The following BRIP1 variants were observed in gnomAD, a reference collection of about 807,000 sequenced individuals.
BRIP1 encodes the protein Fanconi anemia group J protein.
A neutral mutation model predicts 119.7 loss-of-function variants in BRIP1; 88 were observed. The observed-to-expected ratio is 0.74, with a 90% CI of 0.62 to 0.88. The LOEUF (loss-of-function observed/expected upper bound fraction) is 0.88. BRIP1 is among the 40% of genes least tolerant of loss of function. The pLI, the probability that BRIP1 is intolerant of heterozygous loss-of-function variation, is 0.00. For missense variants in BRIP1, 1,259 were observed against 1,455.4 expected, an observed-to-expected ratio of 0.87 and a Z score of 2.20; for synonymous variants, 443 against 496.5, an observed-to-expected ratio of 0.89 and a Z score of 1.43.
chr17:61,830,377 A>G (rs1321169670), intron 6 of BRIP1, among the ~76,000 whole-genome samples: 2 of 151,984 alleles, frequency 1.3e-5, no homozygotes, highest in Non-Finnish European at 2.9e-5. Context: ...TAAAAGATCA[A>G]TAAAATGGAT....
At chr17:61,786,130 G>C (rs2077702126) in intron 10 of BRIP1, among the ~76,000 whole-genome samples, 1 of 152,006 alleles carries the variant, frequency 6.6e-6, no homozygotes, top group Non-Finnish European at 1.5e-5. Flanking sequence ...AATAGAGAGT[G>C]AAGAGAGAGA....
intron 14 of BRIP1, among the ~76,000 whole-genome samples, chr17:61,763,417 T>A (rs1342256757): frequency 1.3e-5 from 2 of 152,260 alleles, no homozygotes; most frequent in South Asian, 4.1e-4. Flanking sequence ...ATGTGACCTA[T>A]GGTATTCTCT....
chr17:61,768,761 AT>A lies in BRIP1; in HGVS notation c.2097+7639del, dbSNP rs2077406424. The stretch of plus-strand genomic sequence containing the variant: ...ATAAAAATAAGACTTTACTTCCATG[AT>A]TAGATTATATTATGTAGTAAAGATG... On this transcript the variant is annotated intron_variant, in intron 14 of 19. Coordinates refer to ENST00000259008, the MANE Select transcript of BRIP1 (RefSeq NM_032043.3). The surrounding 1 kb of genome is among the most constrained non-coding windows in gnomAD (Gnocchi z 5.0). Among the ~76,000 whole-genome samples, 1 of 152,090 alleles carries A rather than the reference AT, an allele frequency of 6.6e-6. No homozygotes were observed. Among genetic ancestry groups the A allele is most frequent in the African/African-American group, 2.4e-5 (1 of 41,400 alleles).
intron 16 of BRIP1, among the ~76,000 whole-genome samples, chr17:61,741,250 T>C (rs560650380): frequency 4.6e-5 from 7 of 152,316 alleles, no homozygotes; most frequent in African/African-American, 1.7e-4. Context: ...CACTTCTAAT[T>C]TAGTTCTCTT....
chr17:61,730,290 G>A lies in BRIP1; in HGVS notation c.2379+12723C>T, dbSNP rs2076827654. Among the ~76,000 whole-genome samples, 1 of 152,160 alleles carries A rather than the reference G, an allele frequency of 6.6e-6. No individual in the cohort carries two copies. Among genetic ancestry groups the A allele is most frequent in the South Asian group, 2.1e-4 (1 of 4,834 alleles). On this transcript the variant is annotated intron_variant, in intron 16 of 19. Coordinates refer to ENST00000259008, the MANE Select transcript of BRIP1 (RefSeq NM_032043.3). This position sits in a 1 kb window ranked among gnomAD's most constrained non-coding sequence, Gnocchi z 4.3. ...AAAAAAAGTGACATAGTCACCTGAA[G>A]CCCCTCTACATGTCTACAATCTGTA...
At chr17:61,836,226 C>A (rs1603356087) in intron 6 of BRIP1, among the ~76,000 whole-genome samples, 2 of 151,546 alleles carry the variant, frequency 1.3e-5, no homozygotes, top group South Asian at 2.1e-4. Flanking sequence ...ATCCTCCTGC[C>A]TCAGCCTCCT....
rs1487848207 is a variant in BRIP1 at position 61,774,061 on chromosome 17, T to A, written c.2097+2340A>T. Among the ~76,000 whole-genome samples the A allele has an allele frequency of 6.6e-6, 1 of 152,146 alleles. No individual in the cohort carries two copies. The highest frequency in any genetic ancestry group is 6.5e-5 in the Admixed American group (1 of 15,268). On this transcript the variant is annotated intron_variant, in intron 14 of 19. Coordinates refer to ENST00000259008, the MANE Select transcript of BRIP1 (RefSeq NM_032043.3). The surrounding 1 kb of genome is among the most constrained non-coding windows in gnomAD (Gnocchi z 5.8). ...CAAGGATCTAAAACTAGAAATACCA[T>A]TTGACCCAGTCATCACATTACTGGG...
At chr17:61,715,614 T>C (rs1567755309) in intron 17 of BRIP1, among the ~76,000 whole-genome samples, 1 of 152,194 alleles carries the variant, frequency 6.6e-6, no homozygotes, top group Non-Finnish European at 1.5e-5. Context: ...TCTATAAAAT[T>C]GTTATCTGAG....
In BRIP1 at chr17:61,744,719, G is replaced by A; in HGVS notation, c.2098-128C>T. On this transcript the variant is annotated intron_variant, in intron 14 of 19. Coordinates refer to ENST00000259008, the MANE Select transcript of BRIP1 (RefSeq NM_032043.3). The surrounding 1 kb of genome is among the most constrained non-coding windows in gnomAD (Gnocchi z 5.0). Reference sequence around the variant, plus strand: ...CTGTGTCTTTTCTCATTTATAAAATGAGGAAAACAATATATCTCATAGAGC... The same window carrying A: ...CTGTGTCTTTTCTCATTTATAAAATAAGGAAAACAATATATCTCATAGAGC... 1 of 868,848 alleles carries A rather than the reference G, an allele frequency of 1.2e-6. No homozygotes were observed. The highest frequency in any genetic ancestry group is 1.9e-6 in the Non-Finnish European group (1 of 538,178). The allele number at this position is 868,848 out of a possible 1,614,324, so 53.8% of individuals were successfully genotyped here.
chr17:61,723,357 C>G (rs1603296760), intron 16 of BRIP1, among the ~76,000 whole-genome samples: 1 of 152,186 alleles, frequency 6.6e-6, no homozygotes, highest in East Asian at 1.9e-4. Flanking sequence ...ATCTCTCAGG[C>G]ATGCTTTCCA....
chr17:61,847,138 G>T lies in BRIP1; in HGVS notation c.590C>A (p.Ser197Tyr), dbSNP rs533184563. Residue 197 changes from serine (S) to tyrosine (Y), a missense_variant, in exon 6 of 20, where the codon TCT (serine) becomes TAT (tyrosine). Around this residue, in one of 3 missense-constraint regions of BRIP1, gnomAD observed 501 missense variants for 544.0 expected, o/e 0.92. Coordinates refer to ENST00000259008, the MANE Select transcript of BRIP1 (RefSeq NM_032043.3). ...VDSGKTVKLN[S>Y]PLEKINSFSP... ...AAAGGAGTTTATCTTTTCCAGTGGA[G>T]AGTTGAGTTTTACAGTCTTTCCTGA... 8 of 1,613,752 alleles carry T rather than the reference G, an allele frequency of 5.0e-6. No homozygotes were observed. Among genetic ancestry groups the T allele is most frequent in the Non-Finnish European group, 6.8e-6 (8 of 1,179,722 alleles).
chr17:61,842,728 G>C lies in BRIP1; in HGVS notation c.627+4373C>G, dbSNP rs1183903835. ...TGCTGCTGTTACTACTACTACAGCTGCTGCTACTTCTACTACCACTTGGCG... is the reference window on the plus strand; with the variant it reads ...TGCTGCTGTTACTACTACTACAGCTCCTGCTACTTCTACTACCACTTGGCG... On this transcript the variant is annotated intron_variant, in intron 6 of 19. Coordinates refer to ENST00000259008, the MANE Select transcript of BRIP1 (RefSeq NM_032043.3). This position sits in a 1 kb window ranked among gnomAD's most constrained non-coding sequence, Gnocchi z 5.1. Among the ~76,000 whole-genome samples, 1 of 152,166 alleles carries C rather than the reference G, an allele frequency of 6.6e-6. No homozygotes were observed. The highest frequency in any genetic ancestry group is 1.9e-4 in the East Asian group (1 of 5,200).
In BRIP1 at chr17:61,822,825, G is replaced by A. The variant is rs2078346451; in HGVS notation, c.628-14068C>T. Among the ~76,000 whole-genome samples, 1 of 152,120 alleles carries A rather than the reference G, an allele frequency of 6.6e-6. No individual in the cohort carries two copies. The highest frequency in any genetic ancestry group is 2.4e-5 in the African/African-American group (1 of 41,416). On this transcript the variant is annotated intron_variant, in intron 6 of 19. Coordinates refer to ENST00000259008, the MANE Select transcript of BRIP1 (RefSeq NM_032043.3). The surrounding 1 kb of genome is among the most constrained non-coding windows in gnomAD (Gnocchi z 4.4). The stretch of plus-strand genomic sequence containing the variant: ...GGGACCAACAAGTTTTCAGTTTAAA[G>A]GTGGGACGGTTCCAAATGACAACGA...
chr17:61,819,039 A>C, intron 6 of BRIP1, among the ~76,000 whole-genome samples: 1 of 151,990 alleles, frequency 6.6e-6, no homozygotes, highest in East Asian at 1.9e-4. Context: ...TACAAAAATC[A>C]GCCAGGTGTG....
At position 61,799,002 on chromosome 17, in the gene BRIP1, A is replaced by T. The variant is rs2077943649; in HGVS notation, c.1340+98T>A. On this transcript the variant is annotated intron_variant, in intron 9 of 19. Transcript: ENST00000259008. This position sits in a 1 kb window ranked among gnomAD's most constrained non-coding sequence, Gnocchi z 5.1. ...GAACAATTCATTTCCCAAGAAGCCTAGTTAACCAAAGTTTACTAACTTTAA... is the reference window on the plus strand; with the variant it reads ...GAACAATTCATTTCCCAAGAAGCCTTGTTAACCAAAGTTTACTAACTTTAA... 8.6e-7 allele frequency: 1 copy of T among 1,163,162 alleles called. No homozygotes were observed. Among genetic ancestry groups the T allele is most frequent in the Non-Finnish European group, 1.3e-6 (1 of 781,134 alleles). 72.1% of individuals were successfully genotyped at this position (1,163,162 alleles called of 1,614,324 possible).
At chr17:61,859,027 C>T (rs1165242356) in intron 3 of BRIP1, among the ~76,000 whole-genome samples, 1 of 145,976 alleles carries the variant, frequency 6.9e-6, no homozygotes, top group Non-Finnish European at 1.5e-5. Context: ...CATCACTATG[C>T]TCCATCCCAG....
rs2078488824 is a variant in BRIP1 at position 61,831,267 on chromosome 17, A to G, written c.627+15834T>C. Among the ~76,000 whole-genome samples the G allele has an allele frequency of 6.6e-6, 1 of 152,214 alleles. No homozygotes were observed. The highest frequency in any genetic ancestry group is 2.4e-5 in the African/African-American group (1 of 41,450). ...CTAATTCAGCCTTGTACTGCATGAAAGGTAAACACTGTAAAGGAAGAAGTA... is the reference window on the plus strand; with the variant it reads ...CTAATTCAGCCTTGTACTGCATGAAGGGTAAACACTGTAAAGGAAGAAGTA... On this transcript the variant is annotated intron_variant, in intron 6 of 19. Coordinates refer to ENST00000259008, the MANE Select transcript of BRIP1 (RefSeq NM_032043.3). The surrounding 1 kb of genome is among the most constrained non-coding windows in gnomAD (Gnocchi z 4.1).
intron 6 of BRIP1, among the ~76,000 whole-genome samples, chr17:61,830,089 T>A (rs1213880636): frequency 6.6e-6 from 1 of 151,884 alleles, no homozygotes; most frequent in Non-Finnish European, 1.5e-5. Flanking sequence ...CCCACCACCA[T>A]GCCTGGCTAA....
intron 8 of BRIP1, among the ~76,000 whole-genome samples, chr17:61,800,780 C>T (rs2077977802): frequency 6.6e-6 from 1 of 152,126 alleles, no homozygotes; most frequent in African/African-American, 2.4e-5. Flanking sequence ...GATCTGAAGA[C>T]AGGAATAACA....
Sources: gnomAD v4.1 joint callset for allele counts (sites outside exome capture counted in the v4.1 genomes callset) on GRCh38, gnomAD v4.1.1 for gene constraint, gnomAD v4.1.1 regional missense constraint, Gnocchi (gnomAD v3.1) non-coding constraint, MANE v1.5 for transcripts, NCBI Gene and HGNC (gene_info 2026-07-23, HGNC 2026-07-21) for gene names.